SLC17A6: variants seen among roughly 807,000 people sequenced by gnomAD.
SLC17A6 encodes vesicular glutamate transporter 2.
Under a neutral mutation model 67.1 loss-of-function variants are expected in SLC17A6, and 35 were observed. That is an observed-to-expected ratio of 0.52 (90% confidence interval 0.40 to 0.69). SLC17A6 has a LOEUF of 0.69. Among genes scored for constraint, SLC17A6 ranks in the 30% least tolerant of loss-of-function variants. The pLI is 0.00. For synonymous variants in SLC17A6, 285 were observed against 252.3 expected (o/e 1.13, Z -1.23); for missense variants, 588 against 723.9 (o/e 0.81, Z 2.15).
At chr11:22,355,193 G>A (rs992467752) in intron 3 of SLC17A6, among the ~76,000 whole-genome samples, 1 of 152,162 alleles carries the variant, frequency 6.6e-6, no homozygotes, top group African/African-American at 2.4e-5. Flanking sequence ...TCAGTAATAA[G>A]TGTCAGATGA....
At chr11:22,356,234 C>T (rs962812599) in intron 3 of SLC17A6, among the ~76,000 whole-genome samples, 1 of 152,148 alleles carries the variant, frequency 6.6e-6, no homozygotes, top group East Asian at 1.9e-4. Context: ...ACCTTCTCTT[C>T]CACACAATAC....
At chr11:22,358,765 AC>A (rs1856017814) in intron 3 of SLC17A6, among the ~76,000 whole-genome samples, 1 of 152,174 alleles carries the variant, frequency 6.6e-6, no homozygotes, top group Non-Finnish European at 1.5e-5. Flanking sequence ...TGTGTCTCAA[AC>A]AGAAGAAAAA....
At position 22,347,129 on chromosome 11, in the gene SLC17A6, G is replaced by A. The variant is rs1487323683; in HGVS notation, c.458+3764G>A. On this transcript the variant is annotated intron_variant, in intron 3 of 11. Transcript: ENST00000263160. ...TATCTGTTTCTCTAATGGTAGTTTT[G>A]CCCATGTTGTTGTTTTTTTCATTGC... Among the ~76,000 whole-genome samples, 5 of 151,154 alleles carry A rather than the reference G, an allele frequency of 3.3e-5. No individual in the cohort carries two copies. The East Asian group carries it at 9.7e-4, about 29-fold the overall frequency.
In SLC17A6 at chr11:22,378,685, A is replaced by G. The variant is rs1351930924; in HGVS notation, c.*945A>G. On this transcript the variant is annotated 3_prime_UTR_variant, in exon 12 of 12. Transcript: ENST00000263160. Reference sequence around the variant, plus strand: ...GTTTAGATATCTTTCTTCCTTCATAATTAAATACTATATGAAACTTGTGCC... The same window carrying G: ...GTTTAGATATCTTTCTTCCTTCATAGTTAAATACTATATGAAACTTGTGCC... The G allele has an allele frequency of 6.6e-6, 1 of 152,356 alleles. No individual in the cohort carries two copies. The highest frequency in any genetic ancestry group is 2.4e-5 in the African/African-American group (1 of 41,446). The allele number at this position is 152,356 out of a possible 1,614,324, so 9.4% of individuals were successfully genotyped here.
chr11:22,341,889 T>A, intron 2 of SLC17A6, 109 bp downstream of exon 2: 2 of 1,480,184 alleles, frequency 1.4e-6, no homozygotes, highest in Non-Finnish European at 9.1e-7. Flanking sequence ...AAGGTTTGGG[T>A]GCTCCCTAAG....
chr11:22,352,590 G>A (rs1855953098), intron 3 of SLC17A6, among the ~76,000 whole-genome samples: 1 of 152,210 alleles, frequency 6.6e-6, no homozygotes, highest in Non-Finnish European at 1.5e-5. Context: ...CATTGTGCTA[G>A]CACCATGGAG....
intron 8 of SLC17A6, among the ~76,000 whole-genome samples, chr11:22,372,341 A>T (rs1856182992): frequency 6.6e-6 from 1 of 150,832 alleles, no homozygotes; most frequent in Non-Finnish European, 1.5e-5. Context: ...TATCAGGTAA[A>T]TACTTTTTTC....
At chr11:22,354,432 T>G (rs565366099) in intron 3 of SLC17A6, among the ~76,000 whole-genome samples, 1 of 152,330 alleles carries the variant, frequency 6.6e-6, no homozygotes, top group Non-Finnish European at 1.5e-5. Context: ...ACTACTTCTT[T>G]CATTTCTTTT....
At chr11:22,342,781 T>A (rs189993433) in intron 2 of SLC17A6, 117 of 343,110 alleles carry the variant, frequency 3.4e-4, no homozygotes, top group Non-Finnish European at 4.6e-4. Flanking sequence ...CCTGCACCTT[T>A]CACCATTTGC....
intron 5 of SLC17A6, chr11:22,361,302 A>T (rs906096793): frequency 5.4e-6 from 1 of 185,178 alleles, no homozygotes; most frequent in African/African-American, 2.3e-5. Flanking sequence ...TCTTTTTATT[A>T]TACCTAGACA....
At position 22,378,195 on chromosome 11, in the gene SLC17A6, T is replaced by C. The variant is rs987637824; in HGVS notation, c.*455T>C. 8 of 160,952 alleles carry C rather than the reference T, an allele frequency of 5.0e-5. No homozygotes were observed. Among genetic ancestry groups the C allele is most frequent in the Non-Finnish European group, 8.1e-5 (6 of 73,992 alleles). 10.0% of individuals were successfully genotyped at this position (160,952 alleles called of 1,614,324 possible). On this transcript the variant is annotated 3_prime_UTR_variant, in exon 12 of 12. Transcript: ENST00000263160. ...GGCGACATTTATTAAGTGAAAATCATGGAGTTGGGATATCTCTCAATTAAA... is the reference window on the plus strand; with the variant it reads ...GGCGACATTTATTAAGTGAAAATCACGGAGTTGGGATATCTCTCAATTAAA...
chr11:22,367,197 C>T (rs182341903), intron 7 of SLC17A6, among the ~76,000 whole-genome samples: 9 of 151,950 alleles, frequency 5.9e-5, no homozygotes, highest in South Asian at 2.1e-4. Flanking sequence ...CCTCCTGCTC[C>T]CTAGTCTAGG....
At chr11:22,356,679 A>T (rs1214941263) in intron 3 of SLC17A6, among the ~76,000 whole-genome samples, 1 of 152,136 alleles carries the variant, frequency 6.6e-6, no homozygotes, top group East Asian at 1.9e-4. Flanking sequence ...TACTAAAAAT[A>T]CAAAAAATTA....
Position 22,378,753 on chromosome 11 carries a change from A to G in SLC17A6, c.*1013A>G, listed in dbSNP as rs952747220. 8 of 152,170 alleles carry G rather than the reference A, an allele frequency of 5.3e-5. No individual in the cohort carries two copies. The highest frequency in any genetic ancestry group is 1.9e-4 in the African/African-American group (8 of 41,454). The allele number at this position is 152,170 out of a possible 1,614,324, so 9.4% of individuals were successfully genotyped here. A position where few individuals can be genotyped will look rare whatever the true frequency, so the allele number is the denominator to read the frequency against. ...ATGAAAAGATTAACTTCATAGAGAT[A>G]TTGTAAGTAGGTAATTTTATTATTT... On this transcript the variant is annotated 3_prime_UTR_variant, in exon 12 of 12. Coordinates refer to ENST00000263160, the MANE Select transcript of SLC17A6 (RefSeq NM_020346.3).
chr11:22,351,665 A>G (rs912408263), intron 3 of SLC17A6, among the ~76,000 whole-genome samples: 1 of 152,170 alleles, frequency 6.6e-6, no homozygotes, highest in African/African-American at 2.4e-5. Flanking sequence ...AGCTTCTTAA[A>G]AAAATCACTA....
At chr11:22,343,194 T>G in intron 2 of SLC17A6, 53 bp from the exon 3 acceptor site, 15 of 1,462,142 alleles carry the variant, frequency 1.0e-5, no homozygotes, top group Non-Finnish European at 1.4e-5. Flanking sequence ...AAAGTGAGCC[T>G]TTGGTACTGA....
At chr11:22,376,812 A>T (rs1220904476) in intron 11 of SLC17A6, 140 bp downstream of exon 11, 10 of 831,892 alleles carry the variant, frequency 1.2e-5, no homozygotes, top group Non-Finnish European at 1.9e-5. Flanking sequence ...AATATAAATG[A>T]GGCTCAGAAT....
chr11:22,340,884 G>A (rs1855807094), intron 1 of SLC17A6, among the ~76,000 whole-genome samples: 1 of 152,326 alleles, frequency 6.6e-6, no homozygotes, highest in South Asian at 2.1e-4. Context: ...TTCTCCTCAC[G>A]CACAGGCACT....
At chr11:22,351,583 A>G (rs574477397) in intron 3 of SLC17A6, among the ~76,000 whole-genome samples, 1 of 152,266 alleles carries the variant, frequency 6.6e-6, no homozygotes, top group South Asian at 2.1e-4. Context: ...AAATTATATC[A>G]TTCTTTACTA....
Sources: allele counts gnomAD v4.1 joint callset (sites outside exome capture counted in the v4.1 genomes callset), GRCh38; gene constraint gnomAD v4.1.1; transcripts MANE v1.5; gene names NCBI Gene and HGNC (gene_info 2026-07-23, HGNC 2026-07-21).